The following PCDH9 variants were observed in gnomAD, a reference collection of about 807,000 sequenced individuals.
The protein encoded by PCDH9 is protocadherin-9.
In PCDH9, 24 loss-of-function variants were observed where a neutral mutation model predicts 70.6. The ratio of observed to expected loss-of-function variants is 0.34; its 90% CI spans 0.25 to 0.48. The LOEUF is 0.48. PCDH9 is among the 20% of genes least tolerant of loss of function. PCDH9 has a pLI of 0.99. For missense variants in PCDH9, 1,281 were observed against 1,503.6 expected (o/e 0.85, Z 2.45); for synonymous variants, 562 against 558.5 (o/e 1.01, Z -0.09).
At chr13:67,193,288 T>C (rs976101634) in intron 2 of PCDH9, among the ~76,000 whole-genome samples, 5 of 151,696 alleles carry the variant, frequency 3.3e-5, no homozygotes, top group Admixed American at 2.0e-4. Context: ...TAGTTCTTGG[T>C]CAACTGCATA....
chr13:66,589,325 G>A (rs2077008586), intron 4 of PCDH9, among the ~76,000 whole-genome samples: 1 of 151,900 alleles, frequency 6.6e-6, no homozygotes, highest in South Asian at 2.1e-4. Flanking sequence ...ACCACCTTAC[G>A]ATGACTATAG....
chr13:66,769,096 T>C (rs748140612), intron 3 of PCDH9, among the ~76,000 whole-genome samples: 5 of 152,122 alleles, frequency 3.3e-5, no homozygotes, highest in Non-Finnish European at 5.9e-5. Flanking sequence ...ACTCAGACAC[T>C]GACTCTGGTT....
intron 3 of PCDH9, among the ~76,000 whole-genome samples, chr13:66,823,689 G>A (rs1246590895): frequency 6.6e-6 from 1 of 151,946 alleles, no homozygotes; most frequent in East Asian, 1.9e-4. Flanking sequence ...AACTTGTCCT[G>A]TCCTCAAAAT....
At chr13:67,114,935 A>C (rs1363397433) in intron 2 of PCDH9, among the ~76,000 whole-genome samples, 1 of 152,202 alleles carries the variant, frequency 6.6e-6, no homozygotes, top group African/African-American at 2.4e-5. Flanking sequence ...CGGTTTTGAC[A>C]GTTAGTTGGT....
chr13:66,695,474 T>C (rs2078549622), intron 3 of PCDH9, among the ~76,000 whole-genome samples: 1 of 152,214 alleles, frequency 6.6e-6, no homozygotes, highest in South Asian at 2.1e-4. Flanking sequence ...TCATGCTTTT[T>C]TCTTCACTAA....
chr13:66,739,253 T>C (rs2079213825), intron 3 of PCDH9, among the ~76,000 whole-genome samples: 1 of 109,960 alleles, frequency 9.1e-6, no homozygotes, highest in Admixed American at 1.0e-4. Flanking sequence ...GCTTCATAAG[T>C]GAAGGAGAAA....
intron 4 of PCDH9, among the ~76,000 whole-genome samples, chr13:66,343,207 C>T (rs892202904): frequency 1.3e-5 from 2 of 152,076 alleles, no homozygotes; most frequent in Non-Finnish European, 2.9e-5. Flanking sequence ...TTTTCTGTTG[C>T]TAATGTAACA....
At chr13:67,022,414 C>G (rs1251378187) in intron 2 of PCDH9, among the ~76,000 whole-genome samples, 2 of 152,090 alleles carry the variant, frequency 1.3e-5, no homozygotes, top group East Asian at 3.8e-4. Context: ...AGCCACTGCA[C>G]CCAGCCAGGT....
intron 2 of PCDH9, among the ~76,000 whole-genome samples, chr13:67,016,978 G>T (rs942030080): frequency 6.6e-6 from 1 of 151,946 alleles, no homozygotes; most frequent in African/African-American, 2.4e-5. Context: ...CCCTCTGAGA[G>T]CATTTCTAGC....
At chr13:66,521,608 C>G (rs1220173046) in intron 4 of PCDH9, among the ~76,000 whole-genome samples, 1 of 152,082 alleles carries the variant, frequency 6.6e-6, no homozygotes, top group Non-Finnish European at 1.5e-5. Flanking sequence ...CCTCAGGACA[C>G]TGATAACACC....
chr13:66,908,069 CTACTT>C, intron 2 of PCDH9, among the ~76,000 whole-genome samples: 1 of 152,248 alleles, frequency 6.6e-6, no homozygotes, highest in East Asian at 1.9e-4. Flanking sequence ...AGAAATGAAT[CTACTT>C]TAAATAATTG....
intron 4 of PCDH9, among the ~76,000 whole-genome samples, chr13:66,521,187 C>T (rs1959970490): frequency 2.0e-5 from 3 of 152,054 alleles, no homozygotes; most frequent in Admixed American, 2.0e-4. Flanking sequence ...TTTTTTCCCT[C>T]TGTTGAAAGT....
At chr13:66,941,564 A>G (rs1465076192) in intron 2 of PCDH9, among the ~76,000 whole-genome samples, 3 of 151,884 alleles carry the variant, frequency 2.0e-5, no homozygotes, top group African/African-American at 4.8e-5. Flanking sequence ...TAGAAAAGAT[A>G]CATTACACTA....
At chr13:66,559,899 C>T (rs1309245529) in intron 4 of PCDH9, among the ~76,000 whole-genome samples, 2 of 149,520 alleles carry the variant, frequency 1.3e-5, no homozygotes, top group African/African-American at 5.0e-5. Context: ...TGATACAAGG[C>T]CTATCACTTT....
chr13:67,039,815 G>A (rs189786158), intron 2 of PCDH9, among the ~76,000 whole-genome samples: 1 of 152,144 alleles, frequency 6.6e-6, no homozygotes, highest in Non-Finnish European at 1.5e-5. Context: ...TTGAACAAAA[G>A]TGTGGGTACC....
intron 2 of PCDH9, among the ~76,000 whole-genome samples, chr13:66,907,129 G>C (rs1290057735): frequency 6.6e-6 from 1 of 152,166 alleles, no homozygotes. Context: ...GCTTGAGCTC[G>C]AGAGCTGGAG....
intron 3 of PCDH9, among the ~76,000 whole-genome samples, chr13:66,807,143 C>A (rs765693146): frequency 5.3e-5 from 8 of 152,144 alleles, no homozygotes; most frequent in Non-Finnish European, 1.2e-4. Flanking sequence ...CCATCTTACT[C>A]CTATAATGAG....
chr13:66,867,230 C>G (rs1416386351), intron 3 of PCDH9, among the ~76,000 whole-genome samples: 3 of 152,032 alleles, frequency 2.0e-5, no homozygotes, highest in African/African-American at 7.2e-5. Flanking sequence ...AAGTTAAAAT[C>G]CCATTATACT....
chr13:67,113,748 T>A (rs1353044471), intron 2 of PCDH9, among the ~76,000 whole-genome samples: 1 of 152,108 alleles, frequency 6.6e-6, no homozygotes, highest in African/African-American at 2.4e-5. Flanking sequence ...GGGGTTTCAC[T>A]GCTTTAGGCA....
Sources: gnomAD v4.1 joint callset for allele counts (sites outside exome capture counted in the v4.1 genomes callset) on GRCh38, gnomAD v4.1.1 for gene constraint, MANE v1.5 for transcripts, NCBI Gene and HGNC (gene_info 2026-07-23, HGNC 2026-07-21) for gene names.